Variants in NHLRC2 observed in about 807,000 individuals in gnomAD.
NHLRC2 encodes NHL repeat-containing protein 2.
A neutral mutation model predicts 68.1 loss-of-function variants in NHLRC2; 33 were observed. The observed-to-expected ratio is 0.48, with a 90% confidence interval of 0.37 to 0.65. The LOEUF is 0.65. NHLRC2 is among the 30% of genes least tolerant of loss of function. The pLI is 0.00. For missense variants in NHLRC2, 761 were observed against 853.8 expected (o/e 0.89, Z 1.35); for synonymous variants, 311 against 309.6 (o/e 1.00, Z -0.05).
intron 5 of NHLRC2, among the ~76,000 whole-genome samples, chr10:113,892,877 C>T (rs1200553495): frequency 6.6e-6 from 1 of 152,090 alleles, no homozygotes; most frequent in Non-Finnish European, 1.5e-5. Flanking sequence ...TAGTGCCTAC[C>T]TGAAAGGCTT....
At chr10:113,877,489 G>C (rs1277286159) in intron 3 of NHLRC2, among the ~76,000 whole-genome samples, 1 of 151,948 alleles carries the variant, frequency 6.6e-6, no homozygotes, top group Non-Finnish European at 1.5e-5. Context: ...CATGTTTCTG[G>C]ATCTATTTCC....
intron 7 of NHLRC2, 111 bp downstream of exon 7, chr10:113,902,008 G>A (rs1846233905): frequency 8.3e-6 from 6 of 724,538 alleles, no homozygotes; most frequent in South Asian, 3.8e-5. Flanking sequence ...GCCTATCTGC[G>A]AATCAAAATG....
At chr10:113,858,439 T>TAA (rs1214345494) in intron 1 of NHLRC2, 89 bp from the exon 2 acceptor site, 1 of 854,408 alleles carries the variant, frequency 1.2e-6, no homozygotes, top group Non-Finnish European at 1.8e-6. Flanking sequence ...GCATTAGTCT[T>TAA]AAAAAAAAAG....
chr10:113,867,400 C>T (rs1845878215), intron 2 of NHLRC2, among the ~76,000 whole-genome samples: 1 of 152,210 alleles, frequency 6.6e-6, no homozygotes, highest in Non-Finnish European at 1.5e-5. Flanking sequence ...TTAGTGTGGA[C>T]AACAGCCTGA....
intron 1 of NHLRC2, among the ~76,000 whole-genome samples, chr10:113,856,518 A>C (rs1845760921): frequency 6.6e-6 from 1 of 152,220 alleles, no homozygotes; most frequent in African/African-American, 2.4e-5. Flanking sequence ...ATCTATACAA[A>C]TATATGATTT....
rs1414118427 is a variant in NHLRC2 at position 113,908,710 on chromosome 10, A to T, written c.*174A>T. On this transcript the variant is annotated 3_prime_UTR_variant, in exon 11 of 11. Transcript: ENST00000369301. ...ATGCTCCTTACTTACTTCTTTTATTATAAACAAATTCCTTTGCTTTGGCTG... is the reference window on the plus strand; with the variant it reads ...ATGCTCCTTACTTACTTCTTTTATTTTAAACAAATTCCTTTGCTTTGGCTG... The T allele has an allele frequency of 1.3e-5, 8 of 622,936 alleles. No individual in the cohort carries two copies. The highest frequency in any genetic ancestry group is 8.9e-5 in the Admixed American group (3 of 33,670). 38.6% of individuals were successfully genotyped at this position (622,936 alleles called of 1,614,324 possible). A position where few individuals can be genotyped will look rare whatever the true frequency, so the allele number is the denominator to read the frequency against.
At chr10:113,862,030 G>T (rs185094785) in intron 2 of NHLRC2, among the ~76,000 whole-genome samples, 1 of 151,788 alleles carries the variant, frequency 6.6e-6, no homozygotes, top group African/African-American at 2.4e-5. Context: ...CTGCGACCAC[G>T]CCCAGCTACT....
intron 3 of NHLRC2, 115 bp downstream of exon 3, chr10:113,877,091 C>CT: frequency 3.3e-6 from 2 of 603,940 alleles, no homozygotes; most frequent in Non-Finnish European, 5.3e-6. Flanking sequence ...AAGTGATATA[C>CT]ATTGACTTAA....
At position 113,917,023 on chromosome 10, in the gene NHLRC2, A is replaced by T. The variant is rs945760491; in HGVS notation, c.*8487A>T. The stretch of plus-strand genomic sequence containing the variant: ...CTTTTTCAAGTGCATGTGTTAACAG[A>T]AGATTGTTTGGAACGAGAGTGCAGT... On this transcript the variant is annotated 3_prime_UTR_variant, in exon 11 of 11. Transcript: ENST00000369301. The T allele has an allele frequency of 8.5e-5, 13 of 152,202 alleles. No homozygotes were observed. The highest frequency in any genetic ancestry group is 3.1e-4 in the African/African-American group (13 of 41,452). 9.4% of individuals were successfully genotyped at this position (152,202 alleles called of 1,614,324 possible).
chr10:113,898,050 C>A, intron 5 of NHLRC2, 60 bp from the exon 6 acceptor site: 2 of 930,932 alleles, frequency 2.1e-6, no homozygotes, highest in Non-Finnish European at 3.3e-6. Context: ...ATTTTAAAAC[C>A]ATTGGAGTGT....
rs1255039964 is a variant in NHLRC2, at chr10:113,876,792, G to A, written c.603G>A (p.Arg201=). ...TTGCTTTAAAGTATTACAAAGACAG[G>A]GGGCAGATCAGAGATAATAAAATTG... The part of the protein sequence containing the change: ...TSIALKYYKD[R]GQIRDNKIGI... Residue 201 remains arginine (R), a synonymous_variant, in exon 3 of 11, where the codon AGG becomes AGA. Transcript: ENST00000369301. The A allele has an allele frequency of 6.2e-7, 1 of 1,612,006 alleles. No homozygotes were observed. Among genetic ancestry groups the A allele is most frequent in the South Asian group, 1.1e-5 (1 of 91,042 alleles).
At chr10:113,895,986 G>A (rs983753012) in intron 5 of NHLRC2, among the ~76,000 whole-genome samples, 1 of 152,162 alleles carries the variant, frequency 6.6e-6, no homozygotes, top group Non-Finnish European at 1.5e-5. Context: ...ACACCAGTTA[G>A]AATGGCGATC....
intron 7 of NHLRC2, among the ~76,000 whole-genome samples, 196 bp downstream of exon 7, chr10:113,902,093 A>T (rs375597162): frequency 6.6e-6 from 1 of 152,118 alleles, no homozygotes; most frequent in Admixed American, 6.5e-5. Flanking sequence ...AACTGACTCT[A>T]CTTTATTATG....
chr10:113,878,632 A>G (rs1179758168), intron 3 of NHLRC2, among the ~76,000 whole-genome samples: 1 of 152,080 alleles, frequency 6.6e-6, no homozygotes, highest in Non-Finnish European at 1.5e-5. Context: ...GGTTCAAGCA[A>G]TTCTCCTGCC....
rs1846303110 is a variant in NHLRC2, at chr10:113,909,323, A to G, written c.*787A>G. 6.6e-6 allele frequency: 1 copy of G among 152,190 alleles called. No individual in the cohort carries two copies. Among genetic ancestry groups the G allele is most frequent in the African/African-American group, 2.4e-5 (1 of 41,456 alleles). The allele number at this position is 152,190 out of a possible 1,614,324, so 9.4% of individuals were successfully genotyped here. The stretch of plus-strand genomic sequence containing the variant: ...TGACTTTCAAGGAAAAAGGGACTTT[A>G]GGACACATTACTTAGTGTCTGTGAT... On this transcript the variant is annotated 3_prime_UTR_variant, in exon 11 of 11. Coordinates refer to ENST00000369301, the MANE Select transcript of NHLRC2 (RefSeq NM_198514.4).
intron 1 of NHLRC2, among the ~76,000 whole-genome samples, chr10:113,857,217 C>G (rs566369241): frequency 6.6e-5 from 10 of 152,228 alleles, no homozygotes; most frequent in African/African-American, 2.4e-4. Context: ...GTCATTCTTT[C>G]TATACCCCCT....
chr10:113,884,890 G>A (rs961903073), intron 5 of NHLRC2, among the ~76,000 whole-genome samples: 4 of 151,670 alleles, frequency 2.6e-5, no homozygotes, highest in African/African-American at 9.7e-5. Flanking sequence ...CTAGTGAATT[G>A]TGTAGACATT....
At chr10:113,890,044 G>A (rs1846117716) in intron 5 of NHLRC2, among the ~76,000 whole-genome samples, 1 of 152,154 alleles carries the variant, frequency 6.6e-6, no homozygotes, top group Admixed American at 6.5e-5. Context: ...CTTCTCTTGG[G>A]CAAATGCCTA....
Position 113,879,669 on chromosome 10 carries a change from G to C in NHLRC2, c.883G>C (p.Asp295His). Residue 295 changes from aspartate (D) to histidine (H), a missense_variant, in exon 4 of 11, where the codon GAC becomes CAC. Asp to His is a moderately conservative substitution (Grantham distance 81). Transcript: ENST00000369301. ...AATGAATAATATCATATATGTGGCA[G>C]ACACTGAAAACCACCTTATAAGAAA... ...AIMNNIIYVA[D>H]TENHLIRKID... 1 of 1,538,042 alleles carries C rather than the reference G, an allele frequency of 6.5e-7. No individual in the cohort carries two copies. The highest frequency in any genetic ancestry group is 8.9e-7 in the Non-Finnish European group (1 of 1,127,148).
Sources: allele counts gnomAD v4.1 joint callset (sites outside exome capture counted in the v4.1 genomes callset), GRCh38; gene constraint gnomAD v4.1.1; transcripts MANE v1.5; gene names NCBI Gene and HGNC (gene_info 2026-07-23, HGNC 2026-07-21).